The following ATG5 variants were observed in gnomAD, a reference collection of about 807,000 sequenced individuals.
ATG5 encodes autophagy related 5.
A neutral mutation model predicts 36.5 loss-of-function variants in ATG5; 14 were observed. That is an observed-to-expected ratio of 0.38 (90% CI 0.25 to 0.60). The LOEUF is 0.60. Among genes scored for constraint, ATG5 ranks in the 20% least tolerant of loss-of-function variants. ATG5 has a pLI of 0.60. For missense variants in ATG5, 195 were observed against 326.7 expected (o/e 0.60, Z 3.11); for synonymous variants, 95 against 101.5 (o/e 0.94, Z 0.38).
intron 7 of ATG5, among the ~76,000 whole-genome samples, chr6:106,188,686 AT>A (rs1775862065): frequency 6.6e-6 from 1 of 152,332 alleles, no homozygotes; most frequent in East Asian, 1.9e-4. Flanking sequence ...AACAAGCCTA[AT>A]AAATCCCCTT....
intron 1 of ATG5, among the ~76,000 whole-genome samples, chr6:106,317,332 A>C (rs1232397418): frequency 6.6e-6 from 1 of 152,200 alleles, no homozygotes; most frequent in Non-Finnish European, 1.5e-5. Flanking sequence ...CTATGAAAAC[A>C]CTCTAAATAA....
chr6:106,307,671 G>A (rs1016064461), intron 3 of ATG5, among the ~76,000 whole-genome samples: 4 of 150,862 alleles, frequency 2.7e-5, no homozygotes, highest in South Asian at 2.1e-4. Flanking sequence ...CAAATAGCCC[G>A]GATTACAGGC....
chr6:106,258,419 C>T (rs535771036), intron 5 of ATG5, among the ~76,000 whole-genome samples: 23 of 152,034 alleles, frequency 1.5e-4, no homozygotes, highest in African/African-American at 5.5e-4. Context: ...ACAAACAATA[C>T]TAGAGTGAGA....
At chr6:106,219,536 TCA>T (rs1335759160) in intron 6 of ATG5, among the ~76,000 whole-genome samples, 3 of 151,904 alleles carry the variant, frequency 2.0e-5, no homozygotes, top group Non-Finnish European at 4.4e-5. Context: ...ACAACTATTT[TCA>T]CAGTGTGTAC....
At chr6:106,216,961 TAA>T (rs59247747) in intron 6 of ATG5, among the ~76,000 whole-genome samples, 3 of 147,274 alleles carry the variant, frequency 2.0e-5, no homozygotes, top group Non-Finnish European at 3.0e-5. Context: ...AAGCTGTTAT[TAA>T]AAAAAAAAAA....
chr6:106,276,222 T>A (rs546861216), intron 5 of ATG5, among the ~76,000 whole-genome samples: 3 of 152,226 alleles, frequency 2.0e-5, no homozygotes, highest in African/African-American at 7.2e-5. Flanking sequence ...CCCAGCACTT[T>A]GGGAGGCCGA....
At chr6:106,219,771 A>G (rs1241734484) in intron 6 of ATG5, among the ~76,000 whole-genome samples, 1 of 152,194 alleles carries the variant, frequency 6.6e-6, no homozygotes, top group East Asian at 1.9e-4. Context: ...CACAACTAGT[A>G]TAATTTTATG....
chr6:106,233,874 A>G (rs1777785294), intron 6 of ATG5, among the ~76,000 whole-genome samples: 2 of 152,036 alleles, frequency 1.3e-5, no homozygotes, highest in Non-Finnish European at 2.9e-5. Flanking sequence ...CCTTACCAAG[A>G]GTTTCTATGA....
chr6:106,316,299 C>T, intron 1 of ATG5, 33 bp from the exon 2 acceptor site: 1 of 831,198 alleles, frequency 1.2e-6, no homozygotes, highest in Non-Finnish European at 1.8e-6. Flanking sequence ...TAGTCAGATC[C>T]TTGCAACGAT....
chr6:106,200,390 C>A (rs1340249684), intron 7 of ATG5, among the ~76,000 whole-genome samples: 1 of 152,022 alleles, frequency 6.6e-6, no homozygotes, highest in Non-Finnish European at 1.5e-5. Flanking sequence ...GTATTACCTT[C>A]ATATATACTA....
At chr6:106,226,490 C>T (rs945694201) in intron 6 of ATG5, among the ~76,000 whole-genome samples, 1 of 152,038 alleles carries the variant, frequency 6.6e-6, no homozygotes, top group Non-Finnish European at 1.5e-5. Flanking sequence ...GCTGGACTTA[C>T]TGGACAAAGA....
chr6:106,268,340 A>G (rs1372254263), intron 5 of ATG5, among the ~76,000 whole-genome samples: 1 of 152,192 alleles, frequency 6.6e-6, no homozygotes, highest in Non-Finnish European at 1.5e-5. Context: ...ACTATCTTAC[A>G]CCAGTTAGAA....
chr6:106,242,813 T>C (rs972519974), intron 6 of ATG5, among the ~76,000 whole-genome samples: 2 of 152,202 alleles, frequency 1.3e-5, no homozygotes. Flanking sequence ...TCTTTCATGG[T>C]TCCTGACTTT....
At chr6:106,282,591 T>TA (rs779591514) in intron 4 of ATG5, among the ~76,000 whole-genome samples, 11 of 152,326 alleles carry the variant, frequency 7.2e-5, no homozygotes, top group Non-Finnish European at 1.0e-4. Context: ...CTTAGTTTGG[T>TA]AAAACATTCG....
intron 6 of ATG5, among the ~76,000 whole-genome samples, chr6:106,233,082 C>T (rs1777753914): frequency 6.6e-6 from 1 of 152,216 alleles, no homozygotes; most frequent in Non-Finnish European, 1.5e-5. Context: ...GTTCAGAAAC[C>T]TTGTGCCATC....
intron 5 of ATG5, among the ~76,000 whole-genome samples, chr6:106,272,688 G>A (rs895632342): frequency 1.3e-5 from 2 of 152,192 alleles, no homozygotes; most frequent in Admixed American, 1.3e-4. Flanking sequence ...ATTTACCCCA[G>A]CGTCCCCTGT....
chr6:106,313,484 C>T (rs1770730261), intron 2 of ATG5, among the ~76,000 whole-genome samples: 1 of 152,118 alleles, frequency 6.6e-6, no homozygotes, highest in South Asian at 2.1e-4. Context: ...CACAAAATAG[C>T]AATCCAAATG....
intron 5 of ATG5, among the ~76,000 whole-genome samples, chr6:106,251,695 AAAAGAAAGAGAAAAAGAAAG>A (rs1412652769): frequency 4.5e-5 from 6 of 134,704 alleles, no homozygotes; most frequent in African/African-American, 1.7e-4. Context: ...GAAAGACAGA[AAAAGAAAGAGAAAAAGAAAG>A]AAAGAAAGAG....
chr6:106,291,642 A>C (rs1780312156), intron 4 of ATG5, among the ~76,000 whole-genome samples: 1 of 152,230 alleles, frequency 6.6e-6, no homozygotes, highest in Non-Finnish European at 1.5e-5. Flanking sequence ...TTCACACACA[A>C]AAAAATCTAA....
Sources: gnomAD v4.1 joint callset for allele counts (sites outside exome capture counted in the v4.1 genomes callset) on GRCh38, gnomAD v4.1.1 for gene constraint, MANE v1.5 for transcripts, NCBI Gene and HGNC (gene_info 2026-07-23, HGNC 2026-07-21) for gene names.